The following GSG1L variants were observed in gnomAD, a reference collection of about 807,000 sequenced individuals.
The protein encoded by GSG1L is GSG1 like.
A neutral mutation model predicts 42.1 loss-of-function variants in GSG1L; 24 were observed. The ratio of observed to expected loss-of-function variants is 0.57; its 90% CI spans 0.41 to 0.80. The LOEUF (loss-of-function observed/expected upper bound fraction) is 0.80, where lower values mean the gene tolerates loss of function less well. Ranked by LOEUF, GSG1L falls within the 30% of genes least tolerant of loss-of-function variation. The pLI is 0.00. For synonymous variants in GSG1L, 215 were observed against 203.5 expected, an observed-to-expected ratio of 1.06 and a Z score of -0.48; for missense variants, 445 against 472.2, an observed-to-expected ratio of 0.94 and a Z score of 0.53.
At chr16:28,046,708 G>C (rs1195674798) in intron 1 of GSG1L, among the ~76,000 whole-genome samples, 1 of 152,006 alleles carries the variant, frequency 6.6e-6, no homozygotes, top group Non-Finnish European at 1.5e-5. Flanking sequence ...ACCGCTCCCT[G>C]GCTCCCAGGC....
intron 3 of GSG1L, among the ~76,000 whole-genome samples, chr16:27,883,438 C>T (rs536053502): frequency 1.3e-5 from 2 of 152,260 alleles, no homozygotes; most frequent in African/African-American, 4.8e-5. Flanking sequence ...GGATTTCCCA[C>T]ATCCTGGGGA....
At chr16:27,891,066 G>A (rs2084119144) in intron 2 of GSG1L, among the ~76,000 whole-genome samples, 1 of 152,132 alleles carries the variant, frequency 6.6e-6, no homozygotes, top group South Asian at 2.1e-4. Flanking sequence ...TTTGAGACAG[G>A]CTGGACATGC....
At chr16:27,866,013 A>G (rs1162682994) in intron 3 of GSG1L, among the ~76,000 whole-genome samples, 1 of 151,530 alleles carries the variant, frequency 6.6e-6, no homozygotes, top group Non-Finnish European at 1.5e-5. Context: ...ATACACTCTT[A>G]GTTTCTGTTT....
rs2084982431 is a variant in GSG1L at position 27,954,285 on chromosome 16, A to G, written c.397+8871T>C. ...AGGATGTGACAAGAGATAACAATAG[A>G]AAAAAAAGATGGCAGCAACATTTTA... On this transcript the variant is annotated intron_variant, in intron 2 of 6. Transcript: ENST00000447459. 2.0e-5 allele frequency among the ~76,000 whole-genome samples: 3 copies of G among 152,144 alleles called. No individual in the cohort carries two copies. The South Asian group carries it at 6.2e-4, about 32-fold the overall frequency.
intron 1 of GSG1L, among the ~76,000 whole-genome samples, chr16:27,976,402 G>A (rs555404745): frequency 6.6e-6 from 1 of 152,342 alleles, no homozygotes; most frequent in South Asian, 2.1e-4. Context: ...GCCTGGAGCA[G>A]TGATCAGTGC....
chr16:27,924,534 C>T (rs1014891726), intron 2 of GSG1L, among the ~76,000 whole-genome samples: 3 of 152,108 alleles, frequency 2.0e-5, no homozygotes, highest in African/African-American at 7.2e-5. Context: ...CATGTGGCCA[C>T]AGAAACTTAG....
chr16:27,961,577 G>A (rs1440537629), intron 2 of GSG1L, among the ~76,000 whole-genome samples: 1 of 152,320 alleles, frequency 6.6e-6, no homozygotes, highest in Admixed American at 6.5e-5. Context: ...TCCTCAAGGG[G>A]TTGTGGGGAG....
chr16:28,019,398 C>T (rs1459837848), intron 1 of GSG1L, among the ~76,000 whole-genome samples: 3 of 152,132 alleles, frequency 2.0e-5, no homozygotes, highest in African/African-American at 4.8e-5. Flanking sequence ...TGGCAATGCC[C>T]GGAAGTGACC....
chr16:28,035,881 C>T (rs966281109), intron 1 of GSG1L, among the ~76,000 whole-genome samples: 1 of 152,132 alleles, frequency 6.6e-6, no homozygotes, highest in Non-Finnish European at 1.5e-5. Flanking sequence ...GCTTCCAGAC[C>T]CCAGTCCCTC....
intron 2 of GSG1L, among the ~76,000 whole-genome samples, chr16:27,937,785 A>G (rs2084735493): frequency 6.6e-6 from 1 of 152,188 alleles, no homozygotes; most frequent in South Asian, 2.1e-4. Context: ...CTGAGAGGCC[A>G]CAGGGGACTG....
At chr16:27,841,052 T>C (rs746258741) in intron 4 of GSG1L, among the ~76,000 whole-genome samples, 1 of 152,182 alleles carries the variant, frequency 6.6e-6, no homozygotes, top group Non-Finnish European at 1.5e-5. Context: ...TATTACTACA[T>C]AATAACATAT....
At chr16:28,025,455 G>T (rs1243991723) in intron 1 of GSG1L, among the ~76,000 whole-genome samples, 1 of 152,180 alleles carries the variant, frequency 6.6e-6, no homozygotes. Context: ...GCCTTTCCTT[G>T]TGCTGTTCTT....
chr16:27,876,688 C>T (rs1365146842), intron 3 of GSG1L, among the ~76,000 whole-genome samples: 1 of 152,126 alleles, frequency 6.6e-6, no homozygotes. Context: ...TATGCTTTGC[C>T]CCTTGGCCCC....
At chr16:27,915,002 C>G (rs16977052) in intron 2 of GSG1L, among the ~76,000 whole-genome samples, 23,921 of 151,966 alleles carry the variant, frequency 0.16, 3,154 homozygotes, top group African/African-American at 0.36. Context: ...GATCACTGAA[C>G]GGCTGTGATT....
At chr16:27,923,882 T>A (rs2084560533) in intron 2 of GSG1L, among the ~76,000 whole-genome samples, 1 of 152,118 alleles carries the variant, frequency 6.6e-6, no homozygotes, top group Non-Finnish European at 1.5e-5. Context: ...GAGTGAACCC[T>A]TGTAATTAAA....
At position 28,059,473 on chromosome 16, in the gene GSG1L, CCCTCCA is replaced by C. The variant is rs1227469351; in HGVS notation, c.349+3597_349+3602del. 6.6e-6 allele frequency among the ~76,000 whole-genome samples: 1 copy of C among 151,974 alleles called. No homozygotes were observed. Among genetic ancestry groups the C allele is most frequent in the Non-Finnish European group, 1.5e-5 (1 of 67,998 alleles). ...GCCAGCCTGGCAAGTCCCCCAAGAC[CCCTCCA>C]CCTCCCCCCAATCTTCCCAAGCCAC... On this transcript the variant is annotated intron_variant, in intron 1 of 6. Transcript: ENST00000447459. The surrounding 1 kb of genome is among the most constrained non-coding windows in gnomAD (Gnocchi z 4.4).
intron 3 of GSG1L, among the ~76,000 whole-genome samples, chr16:27,882,390 C>T (rs575956441): frequency 3.3e-5 from 5 of 152,202 alleles, no homozygotes; most frequent in South Asian, 2.1e-4. Flanking sequence ...CAAACCCGAC[C>T]GTGTTGCCCC....
intron 1 of GSG1L, among the ~76,000 whole-genome samples, chr16:27,981,071 C>T (rs1355610489): frequency 2.0e-5 from 3 of 152,078 alleles, no homozygotes. Context: ...CTTAGCAGAG[C>T]AGGCAGGTCC....
chr16:27,793,500 T>TC (rs397736795), intron 6 of GSG1L, among the ~76,000 whole-genome samples: 16 of 151,898 alleles, frequency 1.1e-4, no homozygotes, highest in African/African-American at 3.6e-4. Flanking sequence ...TTTGTTTTTT[T>TC]AATCTAGAAG....
Sources: gnomAD v4.1 joint callset for allele counts (sites outside exome capture counted in the v4.1 genomes callset) on GRCh38, gnomAD v4.1.1 for gene constraint, Gnocchi (gnomAD v3.1) non-coding constraint, MANE v1.5 for transcripts, NCBI Gene and HGNC (gene_info 2026-07-23, HGNC 2026-07-21) for gene names.